PAK5: variants seen among roughly 807,000 people sequenced by gnomAD.
PAK5 encodes the protein serine/threonine-protein kinase PAK 5.
PAK5 carries 16 observed loss-of-function variants against 65.9 expected under a neutral mutation model. The observed-to-expected ratio is 0.24, with a 90% confidence interval of 0.16 to 0.37. PAK5 has a LOEUF of 0.37. PAK5 is among the 10% of genes least tolerant of loss of function. The pLI, the probability that PAK5 is intolerant of heterozygous loss-of-function variation, is 1.00. For missense variants in PAK5, 785 were observed against 903.9 expected, an observed-to-expected ratio of 0.87 and a Z score of 1.69; for synonymous variants, 371 against 354.9, an observed-to-expected ratio of 1.05 and a Z score of -0.51.
chr20:9,754,622 A>C (rs1400376878), intron 1 of PAK5, among the ~76,000 whole-genome samples: 2 of 152,154 alleles, frequency 1.3e-5, no homozygotes, highest in African/African-American at 4.8e-5. Flanking sequence ...CTAAACCATA[A>C]TTTCTAATCT....
chr20:9,733,432 C>T (rs2048355482), intron 1 of PAK5, among the ~76,000 whole-genome samples: 2 of 151,476 alleles, frequency 1.3e-5, no homozygotes, highest in African/African-American at 2.4e-5. Flanking sequence ...CTCTCTCTTT[C>T]TCTCTCTCTC....
intron 1 of PAK5, among the ~76,000 whole-genome samples, chr20:9,748,668 T>C (rs1010822091): frequency 2.0e-5 from 3 of 152,178 alleles, no homozygotes; most frequent in Non-Finnish European, 2.9e-5. Flanking sequence ...TCAATGAATA[T>C]TGGCATATTT....
intron 2 of PAK5, among the ~76,000 whole-genome samples, chr20:9,688,219 C>T (rs1029158361): frequency 6.6e-6 from 1 of 151,962 alleles, no homozygotes; most frequent in African/African-American, 2.4e-5. Flanking sequence ...TTCCTATTTC[C>T]AAGCTAGACT....
At chr20:9,638,353 A>G (rs2123251053) in intron 3 of PAK5, among the ~76,000 whole-genome samples, 1 of 152,350 alleles carries the variant, frequency 6.6e-6, no homozygotes, top group Admixed American at 6.5e-5. Context: ...CTAGCCCTAC[A>G]TGGCCTACAT....
intron 1 of PAK5, among the ~76,000 whole-genome samples, chr20:9,793,340 C>T (rs1004341561): frequency 1.3e-5 from 2 of 152,056 alleles, no homozygotes; most frequent in African/African-American, 2.4e-5. Context: ...TAAATAGTAT[C>T]AATGTATGCT....
intron 1 of PAK5, among the ~76,000 whole-genome samples, chr20:9,813,565 T>C (rs1600402128): frequency 6.6e-6 from 1 of 152,206 alleles, no homozygotes; most frequent in East Asian, 1.9e-4. Context: ...CAGCAGTGTT[T>C]GTAATAGCCC....
chr20:9,552,963 G>A (rs942327986), intron 7 of PAK5, among the ~76,000 whole-genome samples: 40 of 152,020 alleles, frequency 2.6e-4, no homozygotes, highest in African/African-American at 8.2e-4. Flanking sequence ...CTGGGCTCAA[G>A]CAATCCTCTT....
chr20:9,601,718 A>G (rs1283293951), intron 3 of PAK5, among the ~76,000 whole-genome samples: 1 of 152,144 alleles, frequency 6.6e-6, no homozygotes, highest in Non-Finnish European at 1.5e-5. Flanking sequence ...GTGAACTGAC[A>G]AAAGCAGAGG....
At chr20:9,808,730 G>C (rs2049262289) in intron 1 of PAK5, among the ~76,000 whole-genome samples, 1 of 152,236 alleles carries the variant, frequency 6.6e-6, no homozygotes, top group Non-Finnish European at 1.5e-5. Context: ...AGTTTGGTGG[G>C]GTAGGGGAAA....
In PAK5 at chr20:9,766,434, C is replaced by CTT. The variant is rs1353987128; in HGVS notation, c.-161-55000_-161-54999insAA. On this transcript the variant is annotated intron_variant, in intron 1 of 9. Transcript: ENST00000353224. Reference sequence around the variant, plus strand: ...ATATATATGTATATATATATTCAAGCAGAATATATATGTATATATATATTC... The same window carrying CTT: ...ATATATATGTATATATATATTCAAGCTTAGAATATATATGTATATATATATTC... Among the ~76,000 whole-genome samples, 103 of 41,614 alleles carry CTT rather than the reference C, an allele frequency of 2.5e-3. 1 individual carries two copies. The highest frequency in any genetic ancestry group is 7.5e-3 in the African/African-American group (43 of 5,740). The allele number at this position is 41,614 out of a possible 152,430, so 27.3% of individuals were successfully genotyped here.
intron 1 of PAK5, among the ~76,000 whole-genome samples, chr20:9,716,022 G>T (rs577851010): frequency 6.6e-6 from 1 of 152,054 alleles, no homozygotes; most frequent in Non-Finnish European, 1.5e-5. Flanking sequence ...TTGTGCAGAT[G>T]TACCCTAGAA....
chr20:9,731,479 C>T (rs1056926532), intron 1 of PAK5, among the ~76,000 whole-genome samples: 12 of 152,130 alleles, frequency 7.9e-5, no homozygotes, highest in African/African-American at 1.9e-4. Flanking sequence ...TCAGTAGCCA[C>T]ATGTGGTTAG....
In PAK5 at chr20:9,575,803, C is replaced by T. The variant is rs528458443; in HGVS notation, c.990+4342G>A. ...AGACTTCATGTCCACCTTTCTGCCC[C>T]TGGATTTTCTTCTACGGAAATGAGA... On this transcript the variant is annotated intron_variant, in intron 4 of 9. Transcript: ENST00000353224. The T allele has an allele frequency of 8.5e-5, 13 of 152,306 alleles. No homozygotes were observed. In the South Asian group the frequency reaches 2.5e-3, roughly 29 times the overall value. 9.4% of individuals were successfully genotyped at this position (152,306 alleles called of 1,614,324 possible). A position where few individuals can be genotyped will look rare whatever the true frequency, so the allele number is the denominator to read the frequency against.
intron 3 of PAK5, among the ~76,000 whole-genome samples, chr20:9,624,367 C>T (rs1385948284): frequency 1.3e-5 from 2 of 151,780 alleles, no homozygotes; most frequent in African/African-American, 2.4e-5. Context: ...GACGGGTATT[C>T]AATAATGCTG....
intron 3 of PAK5, among the ~76,000 whole-genome samples, chr20:9,628,988 T>C (rs564420685): frequency 1.3e-5 from 2 of 152,278 alleles, no homozygotes; most frequent in East Asian, 3.9e-4. Flanking sequence ...CACAACTGAG[T>C]CGGCTTGCCT....
intron 7 of PAK5, among the ~76,000 whole-genome samples, chr20:9,555,952 C>T (rs1284847898): frequency 6.6e-6 from 1 of 152,182 alleles, no homozygotes. Context: ...ATGAGTAAGG[C>T]TATCACCATA....
intron 3 of PAK5, among the ~76,000 whole-genome samples, chr20:9,607,780 C>A (rs775692876): frequency 2.6e-5 from 4 of 151,862 alleles, no homozygotes; most frequent in Non-Finnish European, 5.9e-5. Flanking sequence ...GAGATATGAT[C>A]TTCATGCCAC....
At chr20:9,656,467 A>AT (rs918885767) in intron 2 of PAK5, among the ~76,000 whole-genome samples, 1 of 152,008 alleles carries the variant, frequency 6.6e-6, no homozygotes, top group African/African-American at 2.4e-5. Context: ...GTCCTCTTTG[A>AT]TTTTTTCCTT....
intron 1 of PAK5, among the ~76,000 whole-genome samples, chr20:9,739,820 C>A: frequency 6.6e-6 from 1 of 152,138 alleles, no homozygotes; most frequent in East Asian, 1.9e-4. Flanking sequence ...AAGATAGAAG[C>A]ATATCTTCTC....
Sources: gnomAD v4.1 joint callset for allele counts (sites outside exome capture counted in the v4.1 genomes callset) on GRCh38, gnomAD v4.1.1 for gene constraint, MANE v1.5 for transcripts, NCBI Gene and HGNC (gene_info 2026-07-23, HGNC 2026-07-21) for gene names.